Variants in PCDH11X observed in about 807,000 individuals in gnomAD.
PCDH11X encodes the protein protocadherin 11 X-linked.
Under a neutral mutation model 53.3 loss-of-function variants are expected in PCDH11X, and 18 were observed. That is an observed-to-expected ratio of 0.34 (90% CI 0.23 to 0.50). PCDH11X has a LOEUF of 0.50. PCDH11X is among the 20% of genes least tolerant of loss of function. PCDH11X has a pLI of 0.98. For missense variants in PCDH11X, 570 were observed against 1,032.4 expected, an observed-to-expected ratio of 0.55 and a Z score of 6.14; for synonymous variants, 279 against 393.3, an observed-to-expected ratio of 0.71 and a Z score of 3.44.
chrX:91,893,768 C>T (rs1298084805), intron 6 of PCDH11X, among the ~76,000 whole-genome samples: 1 of 110,314 alleles, frequency 9.1e-6, no homozygotes, highest in Admixed American at 9.7e-5. Flanking sequence ...TATGTATGTC[C>T]AAATTATAAC....
At chrX:92,385,479 A>C (rs1220690970) in intron 8 of PCDH11X, among the ~76,000 whole-genome samples, 1 of 103,357 alleles carries the variant, frequency 9.7e-6, no homozygotes, top group East Asian at 3.0e-4. Flanking sequence ...TGGTTTAATC[A>C]GATAATACAG....
At chrX:92,612,444 C>G (rs1927494757) in intron 10 of PCDH11X, among the ~76,000 whole-genome samples, 1 of 110,933 alleles carries the variant, frequency 9.0e-6, no homozygotes, top group Non-Finnish European at 1.9e-5. Context: ...AGTTGCAATG[C>G]CACCTTTGTC....
intron 8 of PCDH11X, among the ~76,000 whole-genome samples, chrX:92,348,024 A>G (rs34895133): frequency 8.9e-6 from 1 of 111,944 alleles, no homozygotes; most frequent in African/African-American, 3.2e-5. Flanking sequence ...GTCCTGTTTT[A>G]ACAGACACTG....
At chrX:92,140,592 T>C (rs1439596108) in intron 6 of PCDH11X, among the ~76,000 whole-genome samples, 5 of 111,951 alleles carry the variant, frequency 4.5e-5, no homozygotes, top group African/African-American at 1.6e-4. Context: ...TACACCTTTT[T>C]CTTGTATTAA....
intron 7 of PCDH11X, among the ~76,000 whole-genome samples, chrX:92,202,754 G>A (rs756241776): frequency 1.8e-5 from 2 of 112,032 alleles, no homozygotes; most frequent in Non-Finnish European, 1.9e-5. Flanking sequence ...GGGTGCGGTG[G>A]CTCACGCCTG....
At chrX:92,545,277 T>G (rs1350747863) in intron 10 of PCDH11X, among the ~76,000 whole-genome samples, 1 of 110,660 alleles carries the variant, frequency 9.0e-6, no homozygotes, top group African/African-American at 3.3e-5. Flanking sequence ...AGAGGCTTAT[T>G]TATTCCAAAG....
intron 7 of PCDH11X, among the ~76,000 whole-genome samples, chrX:92,240,776 A>G (rs918811868): frequency 1.8e-5 from 2 of 111,662 alleles, no homozygotes; most frequent in African/African-American, 6.5e-5. Flanking sequence ...ATACTCAAAT[A>G]TATGGCTGTG....
At chrX:91,854,204 A>G (rs1464466234) in intron 5 of PCDH11X, among the ~76,000 whole-genome samples, 1 of 111,436 alleles carries the variant, frequency 9.0e-6, no homozygotes, top group Non-Finnish European at 1.9e-5. Flanking sequence ...CTCTGTCTTC[A>G]TGAGTTCAAT....
At chrX:92,092,657 C>T (rs1465554584) in intron 6 of PCDH11X, among the ~76,000 whole-genome samples, 2 of 111,626 alleles carry the variant, frequency 1.8e-5, no homozygotes, top group Non-Finnish European at 3.8e-5. Context: ...TGATTAACCT[C>T]TCCAAAGGAA....
At chrX:91,940,877 A>C (rs1369248371) in intron 6 of PCDH11X, among the ~76,000 whole-genome samples, 1 of 109,380 alleles carries the variant, frequency 9.1e-6, no homozygotes, top group African/African-American at 3.3e-5. Context: ...GTGATGTAGG[A>C]TAATATAGTC....
intron 6 of PCDH11X, among the ~76,000 whole-genome samples, chrX:91,896,536 A>C (rs1238467886): frequency 1.2e-5 from 1 of 83,567 alleles, no homozygotes; most frequent in East Asian, 4.0e-4. Flanking sequence ...TTATTGTTTT[A>C]CCTGTCTTCA....
At chrX:92,235,350 A>G (rs2067150558) in intron 7 of PCDH11X, among the ~76,000 whole-genome samples, 1 of 111,068 alleles carries the variant, frequency 9.0e-6, no homozygotes, top group Admixed American at 9.6e-5. Context: ...GTTAATTCTT[A>G]CCAATTCTTT....
chrX:92,574,569 A>G (rs1225800229), intron 10 of PCDH11X, among the ~76,000 whole-genome samples: 1 of 110,871 alleles, frequency 9.0e-6, no homozygotes, highest in Non-Finnish European at 1.9e-5. Context: ...GCAATAATTC[A>G]TTTTTTCAAA....
At chrX:92,462,288 C>A (rs2073064720) in intron 9 of PCDH11X, among the ~76,000 whole-genome samples, 1 of 110,538 alleles carries the variant, frequency 9.0e-6, no homozygotes, top group Non-Finnish European at 1.9e-5. Context: ...AAACTTAAGT[C>A]TTTTAGCAAT....
At chrX:91,922,189 A>G (rs1246460412) in intron 6 of PCDH11X, among the ~76,000 whole-genome samples, 1 of 111,964 alleles carries the variant, frequency 8.9e-6, no homozygotes, top group Non-Finnish European at 1.9e-5. Context: ...GCTAACCTGT[A>G]TATAGCACTT....
chrX:91,796,846 G>T (rs1219222530), intron 1 of PCDH11X, among the ~76,000 whole-genome samples: 1 of 111,609 alleles, frequency 9.0e-6, no homozygotes, highest in Non-Finnish European at 1.9e-5. Context: ...TATAGAAATT[G>T]AGACTTGCCT....
intron 10 of PCDH11X, among the ~76,000 whole-genome samples, chrX:92,494,094 A>G (rs2073818068): frequency 9.2e-6 from 1 of 108,594 alleles, no homozygotes; most frequent in South Asian, 4.0e-4. Flanking sequence ...CAAAAGAACC[A>G]TTTCGCTATT....
At chrX:92,015,292 G>T (rs372908727) in intron 6 of PCDH11X, among the ~76,000 whole-genome samples, 1 of 111,483 alleles carries the variant, frequency 9.0e-6, no homozygotes, top group Admixed American at 9.5e-5. Flanking sequence ...ATGGGGTATG[G>T]CTAATGGGGT....
chrX:92,285,339 C>T (rs1285800369), intron 8 of PCDH11X, among the ~76,000 whole-genome samples: 4 of 105,661 alleles, frequency 3.8e-5, no homozygotes, highest in Admixed American at 1.0e-4. Flanking sequence ...CCGCAAACTC[C>T]GCCTCCAGGG....
Sources: gnomAD v4.1 joint callset for allele counts (sites outside exome capture counted in the v4.1 genomes callset) on GRCh38, gnomAD v4.1.1 for gene constraint, MANE v1.5 for transcripts, NCBI Gene and HGNC (gene_info 2026-07-23, HGNC 2026-07-21) for gene names.